SSH2: variants seen among roughly 807,000 people sequenced by gnomAD.
SSH2 encodes protein phosphatase Slingshot homolog 2.
In SSH2, 37 loss-of-function variants were observed where a neutral mutation model predicts 135.2. The ratio of observed to expected loss-of-function variants is 0.27; its 90% CI spans 0.21 to 0.36. The LOEUF is 0.36. SSH2 is among the 10% of genes least tolerant of loss of function. The pLI, the probability that SSH2 is intolerant of heterozygous loss-of-function variation, is 1.00. For missense variants in SSH2, 1,408 were observed against 1,765.3 expected, an observed-to-expected ratio of 0.80 and a Z score of 3.63; for synonymous variants, 628 against 646.2, an observed-to-expected ratio of 0.97 and a Z score of 0.43.
chr17:29,804,155 A>C (rs2042299186), intron 2 of SSH2, among the ~76,000 whole-genome samples: 1 of 152,250 alleles, frequency 6.6e-6, no homozygotes, highest in Admixed American at 6.5e-5. Flanking sequence ...ACAAAGTCAG[A>C]GGATCCTGGA....
chr17:29,689,253 C>G (rs2038363618), intron 5 of SSH2, among the ~76,000 whole-genome samples: 1 of 152,104 alleles, frequency 6.6e-6, no homozygotes, highest in Admixed American at 6.6e-5. Flanking sequence ...TAACGCCCAT[C>G]CTGGTTTAAG....
chr17:29,731,185 G>A (rs2040178628), intron 3 of SSH2, among the ~76,000 whole-genome samples: 1 of 152,102 alleles, frequency 6.6e-6, no homozygotes, highest in Non-Finnish European at 1.5e-5. Flanking sequence ...GAAAAACATG[G>A]AATAGACAGG....
intron 6 of SSH2, 44 bp from the exon 7 acceptor site, chr17:29,677,785 G>A: frequency 3.3e-6 from 5 of 1,492,782 alleles, no homozygotes; most frequent in Non-Finnish European, 4.7e-6. Context: ...CCATTACTCT[G>A]GGAAGCAGTC....
At chr17:29,716,769 CCA>C in intron 3 of SSH2, 1 of 445,270 alleles carries the variant, frequency 2.2e-6, no homozygotes, top group Non-Finnish European at 4.2e-6. Context: ...CTTGCTGTCC[CCA>C]TTTTCTTCCC....
chr17:29,872,492 C>T (rs746823801), intron 1 of SSH2, among the ~76,000 whole-genome samples: 19 of 152,160 alleles, frequency 1.2e-4, no homozygotes, highest in African/African-American at 2.7e-4. Context: ...TGGTGGCTTA[C>T]GCCTATAATC....
intron 8 of SSH2, among the ~76,000 whole-genome samples, chr17:29,675,464 TG>T (rs1024834741): frequency 6.6e-6 from 1 of 152,118 alleles, no homozygotes; most frequent in Non-Finnish European, 1.5e-5. Context: ...CATCATTCTC[TG>T]GTTGTATTAG....
At chr17:29,736,122 A>G (rs2040355654) in intron 3 of SSH2, among the ~76,000 whole-genome samples, 1 of 152,142 alleles carries the variant, frequency 6.6e-6, no homozygotes, top group South Asian at 2.1e-4. Context: ...AAAATTCTAT[A>G]TTACAAAGAT....
At chr17:29,736,729 G>A (rs1163538289) in intron 3 of SSH2, among the ~76,000 whole-genome samples, 1 of 136,476 alleles carries the variant, frequency 7.3e-6, no homozygotes, top group Non-Finnish European at 1.5e-5. Context: ...GGAGGTTGCA[G>A]TGAGCCAAGA....
chr17:29,663,021 G>T (rs1208760686), intron 11 of SSH2, among the ~76,000 whole-genome samples: 2 of 152,224 alleles, frequency 1.3e-5, no homozygotes. Context: ...CTGAAACTTA[G>T]TTGGGCAAAG....
chr17:29,713,335 A>G (rs1277189799), intron 3 of SSH2, among the ~76,000 whole-genome samples: 1 of 152,176 alleles, frequency 6.6e-6, no homozygotes, highest in East Asian at 1.9e-4. Flanking sequence ...ACAGTGTCTC[A>G]AAACAAACAA....
chr17:29,710,546 T>G (rs978859496), intron 3 of SSH2, among the ~76,000 whole-genome samples: 1 of 152,254 alleles, frequency 6.6e-6, no homozygotes, highest in Non-Finnish European at 1.5e-5. Flanking sequence ...CTGATAAGCC[T>G]TCTCTGCTTC....
intron 14 of SSH2, among the ~76,000 whole-genome samples, chr17:29,643,861 G>T (rs1388960775): frequency 6.6e-6 from 1 of 152,110 alleles, no homozygotes; most frequent in Non-Finnish European, 1.5e-5. Flanking sequence ...CTAGGCAATG[G>T]GTGGGGAGCT....
At chr17:29,884,857 CA>C (rs1475365178) in intron 1 of SSH2, among the ~76,000 whole-genome samples, 1 of 152,174 alleles carries the variant, frequency 6.6e-6, no homozygotes, top group African/African-American at 2.4e-5. Context: ...TTGGCAACTG[CA>C]ACAATCCACT....
At chr17:29,875,266 AC>A (rs1242733269) in intron 1 of SSH2, among the ~76,000 whole-genome samples, 1 of 152,198 alleles carries the variant, frequency 6.6e-6, no homozygotes, top group Non-Finnish European at 1.5e-5. Flanking sequence ...ATCTCAGAAA[AC>A]AATGCAAACA....
chr17:29,709,011 T>TAG (rs1432961142), intron 3 of SSH2, among the ~76,000 whole-genome samples: 53 of 96,740 alleles, frequency 5.5e-4, no homozygotes, highest in African/African-American at 1.7e-3. Flanking sequence ...TATATATATA[T>TAG]ATATAGAGAG....
chr17:29,774,039 T>C (rs2041644388), intron 3 of SSH2, among the ~76,000 whole-genome samples: 1 of 152,218 alleles, frequency 6.6e-6, no homozygotes, highest in Non-Finnish European at 1.5e-5. Context: ...CATAAACATA[T>C]GCATAAGGAG....
Position 29,853,944 on chromosome 17 carries a change from C to CA in SSH2, c.64-5016dup, listed in dbSNP as rs376740382. Among the ~76,000 whole-genome samples, 706 of 144,378 alleles carry CA rather than the reference C, an allele frequency of 4.9e-3. 10 individuals carry two copies. Among genetic ancestry groups the CA allele is most frequent in the Middle Eastern group, 0.011 (3 of 280 alleles). 94.7% of individuals were successfully genotyped at this position (144,378 alleles called of 152,430 possible). A position where few individuals can be genotyped will look rare whatever the true frequency, so the allele number is the denominator to read the frequency against. ...AACATAGCAAGATAGGTGTCTCTAC[C>CA]AAAAAAAAAAGTAATTAAAAAAAGC... is the stretch of plus-strand genomic sequence containing the variant. On this transcript the variant is annotated intron_variant, in intron 1 of 15. Coordinates refer to ENST00000540801, the MANE Select transcript of SSH2 (RefSeq NM_001282129.2).
intron 1 of SSH2, among the ~76,000 whole-genome samples, chr17:29,854,338 A>G (rs2065623112): frequency 6.6e-6 from 1 of 151,876 alleles, no homozygotes; most frequent in Non-Finnish European, 1.5e-5. Flanking sequence ...AACAGGTTAC[A>G]AAAACAGTTT....
chr17:29,852,665 C>T (rs2065584664), intron 1 of SSH2, among the ~76,000 whole-genome samples: 1 of 151,774 alleles, frequency 6.6e-6, no homozygotes. Flanking sequence ...AATTCTCCTG[C>T]CTCAGCCTCC....
Sources: gnomAD v4.1 joint callset for allele counts (sites outside exome capture counted in the v4.1 genomes callset) on GRCh38, gnomAD v4.1.1 for gene constraint, MANE v1.5 for transcripts, NCBI Gene and HGNC (gene_info 2026-07-23, HGNC 2026-07-21) for gene names.